The following TMEM132D variants were observed in gnomAD, a reference collection of about 807,000 sequenced individuals.
TMEM132D encodes the protein transmembrane protein 132D, also known as mature OL transmembrane protein.
TMEM132D carries 21 observed loss-of-function variants against 62.3 expected under a neutral mutation model. That is an observed-to-expected ratio of 0.34 (90% CI 0.24 to 0.49). The LOEUF (loss-of-function observed/expected upper bound fraction) is 0.49, where lower values mean the gene tolerates loss of function less well. TMEM132D is among the 20% of genes least tolerant of loss of function. The pLI is 0.99. For synonymous variants in TMEM132D, 621 were observed against 575.6 expected, an observed-to-expected ratio of 1.08 and a Z score of -1.13; for missense variants, 1,346 against 1,402.8, an observed-to-expected ratio of 0.96 and a Z score of 0.65.
intron 1 of TMEM132D, among the ~76,000 whole-genome samples, chr12:129,897,617 C>A (rs1875188661): frequency 6.6e-6 from 1 of 152,148 alleles, no homozygotes. Flanking sequence ...CCAAACCATT[C>A]CACACCATCA....
chr12:129,619,797 C>A (rs1564765), intron 2 of TMEM132D, among the ~76,000 whole-genome samples: 6,182 of 152,202 alleles, frequency 0.041, 170 homozygotes, highest in Middle Eastern at 0.1. Flanking sequence ...TGACTCACAC[C>A]GAATTTCAGT....
intron 3 of TMEM132D, among the ~76,000 whole-genome samples, chr12:129,403,477 A>G (rs545959416): frequency 6.6e-6 from 1 of 151,992 alleles, no homozygotes; most frequent in East Asian, 1.9e-4. Flanking sequence ...CATTTAAAAC[A>G]GATTTTAACC....
intron 2 of TMEM132D, among the ~76,000 whole-genome samples, chr12:129,663,735 GC>G (rs1346162004): frequency 2.0e-5 from 3 of 152,156 alleles, no homozygotes; most frequent in Non-Finnish European, 2.9e-5. Flanking sequence ...TCCATCTGTG[GC>G]GACCCAAGTA....
intron 1 of TMEM132D, among the ~76,000 whole-genome samples, chr12:129,807,325 C>T (rs770634251): frequency 1.3e-5 from 2 of 152,144 alleles, no homozygotes; most frequent in Non-Finnish European, 2.9e-5. Context: ...ACCGGCCTGG[C>T]CATGACAGGT....
chr12:129,400,832 C>A (rs896024899), intron 3 of TMEM132D, among the ~76,000 whole-genome samples: 4 of 152,106 alleles, frequency 2.6e-5, no homozygotes, highest in Middle Eastern at 3.2e-3. Flanking sequence ...GGGAAAGCAA[C>A]CAATATCTTG....
intron 3 of TMEM132D, among the ~76,000 whole-genome samples, chr12:129,339,485 C>T (rs1869399628): frequency 6.6e-6 from 1 of 152,118 alleles, no homozygotes; most frequent in Non-Finnish European, 1.5e-5. Context: ...AAAACGCACT[C>T]CCTCTTGGCT....
At chr12:129,145,765 T>C (rs1876876836) in intron 5 of TMEM132D, among the ~76,000 whole-genome samples, 1 of 152,078 alleles carries the variant, frequency 6.6e-6, no homozygotes, top group Non-Finnish European at 1.5e-5. Context: ...TCCTTCCCCC[T>C]CCCCAGCTTT....
chr12:129,777,170 T>C (rs1870966026), intron 1 of TMEM132D, among the ~76,000 whole-genome samples: 1 of 152,186 alleles, frequency 6.6e-6, no homozygotes, highest in African/African-American at 2.4e-5. Context: ...TAACCAGGAA[T>C]AGGAAGAGTG....
intron 3 of TMEM132D, among the ~76,000 whole-genome samples, chr12:129,476,308 T>C (rs920813195): frequency 6.6e-6 from 1 of 152,230 alleles, no homozygotes; most frequent in African/African-American, 2.4e-5. Flanking sequence ...TGCTGAGAAG[T>C]ATTGCTGTCA....
chr12:129,664,611 G>C (rs779695483), intron 2 of TMEM132D, among the ~76,000 whole-genome samples: 4 of 151,820 alleles, frequency 2.6e-5, no homozygotes, highest in Non-Finnish European at 4.4e-5. Context: ...ATTTTTAGTA[G>C]AGACGGGGTT....
chr12:129,700,792 C>T (rs1881369054), intron 1 of TMEM132D, 94 bp from the exon 2 acceptor site: 2 of 1,407,450 alleles, frequency 1.4e-6, no homozygotes, highest in Admixed American at 5.0e-5. Flanking sequence ...TAACAGAGGA[C>T]CCTGTCTTCG....
At chr12:129,589,324 C>T (rs1878126835) in intron 2 of TMEM132D, among the ~76,000 whole-genome samples, 1 of 152,128 alleles carries the variant, frequency 6.6e-6, no homozygotes, top group African/African-American at 2.4e-5. Context: ...CTTTCACCTC[C>T]TACCATGATT....
intron 1 of TMEM132D, among the ~76,000 whole-genome samples, chr12:129,887,188 A>G (rs1405015475): frequency 6.6e-6 from 1 of 152,192 alleles, no homozygotes. Flanking sequence ...ACATAAAAAC[A>G]GCACTGGCAG....
chr12:129,614,369 T>G (rs1878860770), intron 2 of TMEM132D, among the ~76,000 whole-genome samples: 1 of 152,222 alleles, frequency 6.6e-6, no homozygotes, highest in African/African-American at 2.4e-5. Context: ...ACTGATGCCC[T>G]GCTGCAAAGA....
intron 4 of TMEM132D, among the ~76,000 whole-genome samples, chr12:129,237,198 T>C (rs1879809422): frequency 6.6e-6 from 1 of 152,194 alleles, no homozygotes; most frequent in South Asian, 2.1e-4. Context: ...TTGCTTGTAG[T>C]AGTTACCTCT....
intron 3 of TMEM132D, among the ~76,000 whole-genome samples, chr12:129,404,068 G>A (rs12425217): frequency 0.079 from 11,951 of 152,034 alleles, 887 homozygotes; most frequent in East Asian, 0.31. Flanking sequence ...AAAGACTTGA[G>A]GTTTTACTTG....
At chr12:129,255,199 C>A (rs1880368107) in intron 4 of TMEM132D, among the ~76,000 whole-genome samples, 1 of 152,136 alleles carries the variant, frequency 6.6e-6, no homozygotes, top group Non-Finnish European at 1.5e-5. Flanking sequence ...CACTGTGCTT[C>A]CTGTAAAGCC....
At chr12:129,094,076 C>T (rs1180037057) in intron 5 of TMEM132D, among the ~76,000 whole-genome samples, 1 of 152,016 alleles carries the variant, frequency 6.6e-6, no homozygotes, top group Non-Finnish European at 1.5e-5. Context: ...ACCATAAAAA[C>T]CCTAGAAGAA....
chr12:129,735,967 C>G (rs1161525086), intron 1 of TMEM132D, among the ~76,000 whole-genome samples: 1 of 152,192 alleles, frequency 6.6e-6, no homozygotes, highest in Non-Finnish European at 1.5e-5. Flanking sequence ...GTCCAGCACA[C>G]CTGCCCACCT....
Sources: allele counts gnomAD v4.1 joint callset (sites outside exome capture counted in the v4.1 genomes callset), GRCh38; gene constraint gnomAD v4.1.1; transcripts MANE v1.5; gene names NCBI Gene and HGNC (gene_info 2026-07-23, HGNC 2026-07-21).